The following PTCH1 variants were observed in gnomAD, a reference collection of about 807,000 sequenced individuals.
The protein encoded by PTCH1 is protein patched homolog 1.
A neutral mutation model predicts 144.6 loss-of-function variants in PTCH1; 14 were observed. That is an observed-to-expected ratio of 0.10 (90% CI 0.06 to 0.15). The LOEUF (loss-of-function observed/expected upper bound fraction) is 0.15. Among genes scored for constraint, PTCH1 ranks in the 10% least tolerant of loss-of-function variants. The pLI is 1.00. For missense variants in PTCH1, 1,623 were observed against 1,948.3 expected (o/e 0.83, Z 3.14); for synonymous variants, 833 against 793.6 (o/e 1.05, Z -0.83).
In PTCH1 at chr9:95,509,119, T is replaced by A. The variant is rs925614272; in HGVS notation, c.-758A>T. 6.6e-6 allele frequency among the ~76,000 whole-genome samples: 1 copy of A among 151,974 alleles called. No homozygotes were observed. Among genetic ancestry groups the A allele is most frequent in the Non-Finnish European group, 1.5e-5 (1 of 67,968 alleles). On this transcript the variant is annotated 5_prime_UTR_variant, in exon 1 of 24. It introduces an in-frame stop codon into an upstream open reading frame of the 5' UTR. Transcript: ENST00000331920. ...TCTGTCCCCGTGCAGCGCGCCTCTC[T>A]CGCTCCCGGGACCTGGGGACTCCGC...
intron 6 of PTCH1, 98 bp from the exon 7 acceptor site, chr9:95,480,188 G>C (rs2118402924): frequency 6.3e-7 from 1 of 1,583,614 alleles, no homozygotes; most frequent in East Asian, 2.2e-5. Flanking sequence ...GTTTCAGAGA[G>C]AACATTAATA....
exon 1 of PTCH1, chr9:95,516,702 C>T: frequency 6.2e-7 from 1 of 1,613,420 alleles, no homozygotes; most frequent in Non-Finnish European, 8.5e-7. Context: ...TCCTCCTCCT[C>T]CGTCTTTACA....
At chr9:95,462,411 GA>G (rs1170535480) in intron 15 of PTCH1, among the ~76,000 whole-genome samples, 1 of 152,126 alleles carries the variant, frequency 6.6e-6, no homozygotes. Context: ...ACACAGAGGG[GA>G]AAAAGCACAT....
rs1554694372 is a variant in PTCH1 at position 95,467,263 on chromosome 9, T to C, written c.2413A>G (p.Ile805Val). ...GGGTAGTCTGCTTTCTGGGTGACTA[T>C]ATACATGTTGTAGAAAGAAAAGTAT... is the stretch of plus-strand genomic sequence containing the variant. ...FKYFSFYNMY[I>V]VTQKADYPNI... Residue 805 changes from isoleucine to valine, a missense_variant, in exon 15 of 24, where the codon ATA becomes GTA. Coordinates refer to ENST00000331920, the MANE Select transcript of PTCH1 (RefSeq NM_000264.5). 1.2e-6 allele frequency: 2 copies of C among 1,614,246 alleles called. No homozygotes were observed. Among genetic ancestry groups the C allele is most frequent in the Non-Finnish European group, 1.7e-6 (2 of 1,180,038 alleles).
Position 95,463,187 on chromosome 9 carries a change from C to T in PTCH1, c.2561-1189G>A, listed in dbSNP as rs16905568. Among the ~76,000 whole-genome samples, 1,445 of 152,200 alleles carry T rather than the reference C, an allele frequency of 9.5e-3. 23 individuals are homozygous for T. The highest frequency in any genetic ancestry group is 0.03 in the East Asian group (156 of 5,170). ...AAAGGCTTCAAAAAAAATCTGGTTG[C>T]GTTAGTGCTCAGAATGGTTAAGCTC... On this transcript the variant is annotated intron_variant, in intron 15 of 23. Coordinates refer to ENST00000331920, the MANE Select transcript of PTCH1 (RefSeq NM_000264.5).
At chr9:95,505,933 C>CA (rs1215982715) in intron 2 of PTCH1, among the ~76,000 whole-genome samples, 1 of 147,372 alleles carries the variant, frequency 6.8e-6, no homozygotes, top group East Asian at 2.0e-4. Context: ...GGGGCGCGCA[C>CA]ACTCCAGCCA....
chr9:95,466,349 G>A (rs979016038), intron 15 of PTCH1, among the ~76,000 whole-genome samples: 1 of 152,116 alleles, frequency 6.6e-6, no homozygotes, highest in African/African-American at 2.4e-5. Flanking sequence ...GCCCCACCAA[G>A]AAAGGCATTT....
chr9:95,466,804 G>A (rs1177981172), intron 15 of PTCH1, among the ~76,000 whole-genome samples: 6 of 152,172 alleles, frequency 3.9e-5, no homozygotes, highest in Non-Finnish European at 5.9e-5. Context: ...ACTAGCCACC[G>A]TCTATCCAAG....
Position 95,476,046 on chromosome 9 carries a change from C to A in PTCH1, c.1716G>T (p.Ala572=), listed in dbSNP as rs55844310. 1 of 1,613,762 alleles carries A rather than the reference C, an allele frequency of 6.2e-7. No individual in the cohort carries two copies. The highest frequency in any genetic ancestry group is 8.5e-7 in the Non-Finnish European group (1 of 1,180,024). ...AALIPIPALR[A]FSLQAAVVVV... ...ACCAGAAGCTCACCTGGAGGGAGAA[C>A]GCCCGCAGAGCGGGAATTGGGATTA... The change falls in exon 12 of 24, where the codon GCG becomes GCT. Residue 572 remains alanine, a synonymous_variant. Coordinates refer to ENST00000331920, the MANE Select transcript of PTCH1 (RefSeq NM_000264.5). The surrounding 1 kb of genome is among the most constrained non-coding windows in gnomAD (Gnocchi z 4.6).
chr9:95,459,505 G>T, intron 17 of PTCH1, 95 bp downstream of exon 17: 1 of 1,434,996 alleles, frequency 7.0e-7, no homozygotes, highest in Non-Finnish European at 9.8e-7. Flanking sequence ...TCTGAACCCT[G>T]GGTAGCGTCA....
chr9:95,451,529 C>G (rs1331249887), intron 20 of PTCH1: 1 of 152,182 alleles, frequency 6.6e-6, no homozygotes, highest in Non-Finnish European at 1.5e-5. Context: ...GGCTAAGTTT[C>G]CTCATTCAGC....
At chr9:95,473,328 C>T (rs866212915) in intron 12 of PTCH1, among the ~76,000 whole-genome samples, 18 of 152,300 alleles carry the variant, frequency 1.2e-4, no homozygotes, top group Middle Eastern at 3.4e-3. Context: ...CGCCTTGGGT[C>T]ACTCCCTTTT....
chr9:95,506,284 C>G (rs1843624526), intron 2 of PTCH1, 123 bp downstream of exon 2: 1 of 1,165,500 alleles, frequency 8.6e-7, no homozygotes, highest in Non-Finnish European at 1.2e-6. Context: ...AAACAATCCC[C>G]CGGGTGCGGG....
chr9:95,449,733 A>G lies in PTCH1; in HGVS notation c.3549+108T>C. The G allele has an allele frequency of 9.6e-7, 1 of 1,039,756 alleles. No individual in the cohort carries two copies. Among genetic ancestry groups the G allele is most frequent in the African/African-American group, 1.6e-5 (1 of 63,268 alleles). 64.4% of individuals were successfully genotyped at this position (1,039,756 alleles called of 1,614,324 possible). Reference sequence around the variant, plus strand: ...GACATGACTCTGAGATGTTTACTGAAGAACCACCAGCAAGTGGGGAGGCAC... The same window carrying G: ...GACATGACTCTGAGATGTTTACTGAGGAACCACCAGCAAGTGGGGAGGCAC... On this transcript the variant is annotated intron_variant, in intron 21 of 23. Transcript: ENST00000331920. The surrounding 1 kb of genome is among the most constrained non-coding windows in gnomAD (Gnocchi z 5.3).
intron 2 of PTCH1, among the ~76,000 whole-genome samples, chr9:95,505,796 T>C (rs923865400): frequency 7.3e-5 from 11 of 151,708 alleles, no homozygotes; most frequent in Non-Finnish European, 1.3e-4. Context: ...TTTTGTACCT[T>C]GAGACAAATG....
In PTCH1 at chr9:95,504,592, G is replaced by A. The variant is rs527569831; in HGVS notation, c.394+1815C>T. On this transcript the variant is annotated intron_variant, in intron 2 of 23. Transcript: ENST00000331920. ...ATTCTGTCCAAGAATCTACGGCAGC[G>A]GCCCTCCCTGTCCTCATGCCCTATT... Among the ~76,000 whole-genome samples the A allele has an allele frequency of 1.5e-3, 231 of 152,108 alleles. 1 individual carries two copies. The highest frequency in any genetic ancestry group is 2.9e-3 in the Admixed American group (45 of 15,278).
intron 12 of PTCH1, among the ~76,000 whole-genome samples, chr9:95,473,453 A>G (rs1380582446): frequency 6.6e-6 from 1 of 152,196 alleles, no homozygotes; most frequent in Non-Finnish European, 1.5e-5. Context: ...TTGAGGGTCA[A>G]TACATTTAAA....
At chr9:95,481,926 A>C (rs1333823795) in intron 5 of PTCH1, 23 bp downstream of exon 5, 2 of 1,574,430 alleles carry the variant, frequency 1.3e-6, no homozygotes, top group African/African-American at 2.7e-5. Flanking sequence ...CACAGACATC[A>C]GAAAGCATGA....
At chr9:95,472,216 G>A (rs1564039935) in intron 12 of PTCH1, among the ~76,000 whole-genome samples, 1 of 152,176 alleles carries the variant, frequency 6.6e-6, no homozygotes, top group Non-Finnish European at 1.5e-5. Flanking sequence ...GTTCATACCT[G>A]ATTCATAGCA....
Sources: gnomAD v4.1 joint callset for allele counts (sites outside exome capture counted in the v4.1 genomes callset) on GRCh38, gnomAD v4.1.1 for gene constraint, Gnocchi (gnomAD v3.1) non-coding constraint, MANE v1.5 for transcripts, NCBI Gene and HGNC (gene_info 2026-07-23, HGNC 2026-07-21) for gene names.